Variants in PPARGC1A observed in about 807,000 individuals in gnomAD.
PPARGC1A encodes peroxisome proliferator-activated receptor gamma coactivator 1-alpha.
In PPARGC1A, 25 loss-of-function variants were observed where a neutral mutation model predicts 88.7. The observed-to-expected ratio is 0.28, with a 90% CI of 0.21 to 0.39. The LOEUF is 0.39. Ranked by LOEUF, PPARGC1A falls within the 10% of genes least tolerant of loss-of-function variation. The pLI is 1.00. For synonymous variants in PPARGC1A, 363 were observed against 355.6 expected (o/e 1.02, Z -0.24); for missense variants, 880 against 968.7 (o/e 0.91, Z 1.22).
At chr4:23,932,743 G>A in the PPARGC1A span, among the ~76,000 whole-genome samples, 1 of 152,138 alleles carries the variant, frequency 6.6e-6, no homozygotes, top group South Asian at 2.1e-4. Flanking sequence ...GAACTTAAGA[G>A]GGAAGAATTC....
chr4:24,403,558 T>C, the PPARGC1A span, among the ~76,000 whole-genome samples: 1 of 152,130 alleles, frequency 6.6e-6, no homozygotes, highest in Non-Finnish European at 1.5e-5. Flanking sequence ...TGTCACCTCA[T>C]CTCTGATTGA....
At chr4:23,985,804 G>C in the PPARGC1A span, among the ~76,000 whole-genome samples, 1 of 152,050 alleles carries the variant, frequency 6.6e-6, no homozygotes, top group Non-Finnish European at 1.5e-5. Flanking sequence ...TATTTCTCAT[G>C]AGAGTCAATT....
intron 2 of PPARGC1A, 25 bp downstream of exon 2, chr4:23,884,727 T>C (rs1716571009): frequency 2.5e-6 from 4 of 1,591,048 alleles, no homozygotes; most frequent in Non-Finnish European, 3.4e-6. Flanking sequence ...AATGAAAAAT[T>C]AATGTTTCCA....
the PPARGC1A span, among the ~76,000 whole-genome samples, chr4:24,353,170 G>C: frequency 6.6e-6 from 1 of 151,138 alleles, no homozygotes; most frequent in Admixed American, 6.6e-5. Context: ...CCAGTCCCAA[G>C]TGACCCTTTT....
the PPARGC1A span, among the ~76,000 whole-genome samples, chr4:24,035,016 CTTTTT>C: frequency 2.6e-5 from 4 of 152,126 alleles, no homozygotes; most frequent in Non-Finnish European, 4.4e-5. Flanking sequence ...TCTTCCTCCT[CTTTTT>C]TCAGATTGTA....
chr4:24,400,251 G>C, the PPARGC1A span, among the ~76,000 whole-genome samples: 2 of 152,192 alleles, frequency 1.3e-5, no homozygotes, highest in African/African-American at 4.8e-5. Flanking sequence ...TAACATTGGA[G>C]TCAGAGGGCT....
the PPARGC1A span, among the ~76,000 whole-genome samples, chr4:24,410,320 T>C: frequency 0.25 from 38,455 of 151,970 alleles, 5,140 homozygotes; most frequent in Non-Finnish European, 0.29. Context: ...TGGATACACA[T>C]ACACGTATTT....
At chr4:24,457,998 G>A in the PPARGC1A span, among the ~76,000 whole-genome samples, 1 of 152,160 alleles carries the variant, frequency 6.6e-6, no homozygotes, top group East Asian at 1.9e-4. Flanking sequence ...TTATACCCTG[G>A]AAGGAAAGAA....
the PPARGC1A span, among the ~76,000 whole-genome samples, chr4:24,212,790 G>A: frequency 6.6e-6 from 1 of 152,186 alleles, no homozygotes; most frequent in Non-Finnish European, 1.5e-5. Flanking sequence ...GCACTTGGCA[G>A]CCCACACGTA....
At chr4:24,431,775 C>G in the PPARGC1A span, among the ~76,000 whole-genome samples, 2 of 152,162 alleles carry the variant, frequency 1.3e-5, no homozygotes, top group African/African-American at 4.8e-5. Context: ...GAATAGGGCC[C>G]CTAGCACATG....
chr4:23,904,554 G>A (rs906934885), upstream of PPARGC1A, among the ~76,000 whole-genome samples: 7 of 152,052 alleles, frequency 4.6e-5, no homozygotes, highest in Admixed American at 1.3e-4. Context: ...GTAGAGCTAG[G>A]GTTTTCCTCC....
At chr4:24,027,012 G>C in the PPARGC1A span, among the ~76,000 whole-genome samples, 11 of 152,194 alleles carry the variant, frequency 7.2e-5, no homozygotes, top group South Asian at 2.3e-3. Flanking sequence ...TCAGTAATGT[G>C]GTGGAGACAT....
chr4:23,910,423 TTAATA>T, the PPARGC1A span, among the ~76,000 whole-genome samples: 2 of 118,942 alleles, frequency 1.7e-5, no homozygotes, highest in African/African-American at 3.2e-5. Context: ...ATATATATTA[TTAATA>T]TAATATATAT....
At chr4:24,225,431 T>C in the PPARGC1A span, among the ~76,000 whole-genome samples, 1 of 151,344 alleles carries the variant, frequency 6.6e-6, no homozygotes, top group Non-Finnish European at 1.5e-5. Context: ...TAGCCGGGCG[T>C]GGTGGCAGGC....
chr4:24,404,714 A>G, the PPARGC1A span, among the ~76,000 whole-genome samples: 4 of 152,244 alleles, frequency 2.6e-5, no homozygotes, highest in Non-Finnish European at 5.9e-5. Flanking sequence ...TCTTACCTAG[A>G]TAGAATACAG....
Position 23,813,089 on chromosome 4 carries a change from G to C in PPARGC1A, c.1830C>G (p.His610Gln). 1 of 1,614,100 alleles carries C rather than the reference G, an allele frequency of 6.2e-7. No homozygotes were observed. Residue 610 changes from histidine (H) to glutamine (Q), a missense_variant, in exon 9 of 13, where the codon CAC becomes CAG. Physicochemically the swap from His to Gln is conservative, Grantham distance 24. Coordinates refer to ENST00000264867, the MANE Select transcript of PPARGC1A (RefSeq NM_013261.5). ...ACAAGGGAGAATTTCGGTGCGTGCGGTGTCTGTAGTGGCTTGACTCATAGT... is the reference window on the plus strand; with the variant it reads ...ACAAGGGAGAATTTCGGTGCGTGCGCTGTCTGTAGTGGCTTGACTCATAGT... ...CYYYESSHYRHRTHRNSPLYV... is the reference protein window; with the variant it reads ...CYYYESSHYRQRTHRNSPLYV...
At chr4:23,920,397 G>A in the PPARGC1A span, among the ~76,000 whole-genome samples, 1 of 152,096 alleles carries the variant, frequency 6.6e-6, no homozygotes, top group African/African-American at 2.4e-5. Context: ...ATCTATATTA[G>A]TCCTTATAAT....
chr4:23,885,784 C>G (rs1716774235), intron 1 of PPARGC1A, among the ~76,000 whole-genome samples: 1 of 152,130 alleles, frequency 6.6e-6, no homozygotes, highest in Non-Finnish European at 1.5e-5. Flanking sequence ...AAACTGTGCT[C>G]TACGTGAATT....
At chr4:23,855,056 T>C (rs1030085346) in intron 2 of PPARGC1A, among the ~76,000 whole-genome samples, 1 of 152,160 alleles carries the variant, frequency 6.6e-6, no homozygotes, top group South Asian at 2.1e-4. Flanking sequence ...GTTCTCATGG[T>C]AGTGAGTAAG....
Sources: allele counts gnomAD v4.1 joint callset (sites outside exome capture counted in the v4.1 genomes callset), GRCh38; gene constraint gnomAD v4.1.1; transcripts MANE v1.5; gene names NCBI Gene and HGNC (gene_info 2026-07-23, HGNC 2026-07-21).